The following ESRRG variants were observed in gnomAD, a reference collection of about 807,000 sequenced individuals.
ESRRG encodes the protein estrogen-related receptor gamma.
In ESRRG, 13 loss-of-function variants were observed where a neutral mutation model predicts 44.0. The observed-to-expected ratio is 0.30, with a 90% CI of 0.19 to 0.47. ESRRG has a LOEUF of 0.47. ESRRG is among the 20% of genes least tolerant of loss of function. The probability of loss-of-function intolerance (pLI) is 1.00; values close to 1 mark genes in which losing one functional copy is unlikely to be tolerated. For synonymous variants in ESRRG, 215 were observed against 214.6 expected, an observed-to-expected ratio of 1.00 and a Z score of -0.02; for missense variants, 395 against 580.6, an observed-to-expected ratio of 0.68 and a Z score of 3.29.
At chr1:216,658,994 T>A (rs191647408) in intron 2 of ESRRG, among the ~76,000 whole-genome samples, 13 of 152,314 alleles carry the variant, frequency 8.5e-5, no homozygotes, top group African/African-American at 2.9e-4. Flanking sequence ...ATTGGCTGTG[T>A]GAACTTGAAC....
At chr1:216,568,198 CAG>C in intron 3 of ESRRG, 100 bp from the exon 4 acceptor site, 1 of 812,754 alleles carries the variant, frequency 1.2e-6, no homozygotes, top group South Asian at 1.4e-5. Flanking sequence ...AGGTGACAAA[CAG>C]TAGAATGCAG....
intron 1 of ESRRG, among the ~76,000 whole-genome samples, chr1:217,122,639 G>A (rs796539914): frequency 7.5e-5 from 11 of 146,256 alleles, no homozygotes; most frequent in African/African-American, 2.8e-4. Context: ...TCCTTCCCTA[G>A]TCCATGGCGG....
intron 2 of ESRRG, among the ~76,000 whole-genome samples, chr1:216,876,976 A>ATGTGTGTGTGTGTG (rs61039286): frequency 1.4e-5 from 2 of 145,472 alleles, no homozygotes; most frequent in African/African-American, 5.1e-5. Flanking sequence ...CTCTTCACTA[A>ATGTGTGTGTGTGTG]TGTGTGTGTG....
chr1:216,723,849 GA>G (rs1297347332), upstream of ESRRG, among the ~76,000 whole-genome samples: 1 of 151,988 alleles, frequency 6.6e-6, no homozygotes, highest in Non-Finnish European at 1.5e-5. Flanking sequence ...TTGAAAAGGA[GA>G]ACTCACGCAG....
At chr1:216,541,090 A>G (rs2052578331) in intron 5 of ESRRG, among the ~76,000 whole-genome samples, 1 of 152,024 alleles carries the variant, frequency 6.6e-6, no homozygotes, top group African/African-American at 2.4e-5. Context: ...AGCTTTTCCC[A>G]CTGGAATAGT....
At position 217,077,435 on chromosome 1, in the gene ESRRG, C is replaced by T. The variant is rs535963315; in HGVS notation, c.-106+12072G>A. Among the ~76,000 whole-genome samples the T allele has an allele frequency of 1.2e-4, 18 of 152,308 alleles. No homozygotes were observed. In the South Asian group the frequency reaches 3.7e-3, roughly 32 times the overall value. ...TGTTCAGTCTGTGGTCTCCATCTGA[C>T]AGCCATTCACATTGTGCACCTAAAA... On this transcript the variant is annotated intron_variant, in intron 1 of 7. Coordinates refer to the ESRRG transcript ENST00000359162.
intron 2 of ESRRG, among the ~76,000 whole-genome samples, chr1:216,658,697 G>T (rs574348316): frequency 2.6e-5 from 4 of 151,114 alleles, no homozygotes; most frequent in Non-Finnish European, 5.9e-5. Flanking sequence ...GCCAGGCATG[G>T]TTGTGTGCGC....
chr1:216,529,143 G>A (rs2048533668), intron 5 of ESRRG, among the ~76,000 whole-genome samples: 1 of 152,090 alleles, frequency 6.6e-6, no homozygotes, highest in Non-Finnish European at 1.5e-5. Flanking sequence ...CCTGCTGTGG[G>A]AACCTGCATA....
intron 1 of ESRRG, among the ~76,000 whole-genome samples, chr1:217,029,783 C>T (rs2081782166): frequency 1.3e-5 from 2 of 152,126 alleles, no homozygotes; most frequent in African/African-American, 2.4e-5. Context: ...AGCTGGTCTG[C>T]AACTCCCTTA....
At chr1:216,626,835 T>A (rs1413166713) in intron 3 of ESRRG, among the ~76,000 whole-genome samples, 2 of 152,236 alleles carry the variant, frequency 1.3e-5, no homozygotes, top group Non-Finnish European at 2.9e-5. Flanking sequence ...TGACTCATTG[T>A]TCTAAAAATG....
At chr1:216,983,051 T>TGA (rs1560357757) in intron 1 of ESRRG, among the ~76,000 whole-genome samples, 3 of 118,756 alleles carry the variant, frequency 2.5e-5, no homozygotes, top group Admixed American at 8.6e-5. Flanking sequence ...TTTTTTTTTT[T>TGA]TAACTGTCTA....
chr1:217,094,002 A>G (rs2092389224), upstream of ESRRG, among the ~76,000 whole-genome samples: 1 of 151,874 alleles, frequency 6.6e-6, no homozygotes, highest in South Asian at 2.1e-4. Flanking sequence ...CCTGCCTCAG[A>G]CTCTGGAGCA....
chr1:216,620,514 T>C (rs964642892), intron 3 of ESRRG, among the ~76,000 whole-genome samples: 2 of 152,202 alleles, frequency 1.3e-5, no homozygotes, highest in African/African-American at 4.8e-5. Context: ...ACTTAAGGAC[T>C]GGCAAACCTA....
chr1:216,577,034 A>AAAAG (rs1357831903), intron 3 of ESRRG, among the ~76,000 whole-genome samples: 1 of 152,024 alleles, frequency 6.6e-6, no homozygotes. Context: ...AAGGGGGAAA[A>AAAAG]AAAGAAAGAA....
intron 5 of ESRRG, among the ~76,000 whole-genome samples, chr1:216,520,127 TA>T (rs1174602649): frequency 6.6e-6 from 1 of 152,120 alleles, no homozygotes; most frequent in Non-Finnish European, 1.5e-5. Context: ...TCCAATTATT[TA>T]AAAAGTTAAA....
At chr1:216,671,476 G>A (rs1379811190) in intron 2 of ESRRG, among the ~76,000 whole-genome samples, 2 of 152,142 alleles carry the variant, frequency 1.3e-5, no homozygotes, top group African/African-American at 4.8e-5. Flanking sequence ...TAGATTACAC[G>A]AACCATCCAG....
At chr1:216,942,561 C>T (rs1250227329) in intron 1 of ESRRG, among the ~76,000 whole-genome samples, 1 of 152,174 alleles carries the variant, frequency 6.6e-6, no homozygotes, top group Admixed American at 6.6e-5. Flanking sequence ...TTCTCCACAA[C>T]CCCACAAACA....
chr1:216,821,741 T>C (rs1007105940), intron 2 of ESRRG, among the ~76,000 whole-genome samples: 1 of 126,598 alleles, frequency 7.9e-6, no homozygotes, highest in Non-Finnish European at 1.7e-5. Flanking sequence ...AATAAATAAA[T>C]AAAATTTAAT....
chr1:216,983,031 GTTTTTTTTTTTT>G (rs9308379), intron 1 of ESRRG, among the ~76,000 whole-genome samples: 2 of 133,030 alleles, frequency 1.5e-5, no homozygotes, highest in East Asian at 4.5e-4. Flanking sequence ...ACTTTGAACT[GTTTTTTTTTTTT>G]TTTTTTTTTA....
Sources: allele counts gnomAD v4.1 joint callset (sites outside exome capture counted in the v4.1 genomes callset), GRCh38; gene constraint gnomAD v4.1.1; transcripts MANE v1.5; gene names NCBI Gene and HGNC (gene_info 2026-07-23, HGNC 2026-07-21).